Variants in SORCS1 observed in about 807,000 individuals in gnomAD.
The protein encoded by SORCS1 is VPS10 domain-containing receptor SorCS1.
Under a neutral mutation model 146.1 loss-of-function variants are expected in SORCS1, and 60 were observed. The observed-to-expected ratio is 0.41, with a 90% confidence interval of 0.33 to 0.51. The LOEUF is 0.51. Among genes scored for constraint, SORCS1 ranks in the 20% least tolerant of loss-of-function variants. The pLI, the probability that SORCS1 is intolerant of heterozygous loss-of-function variation, is 0.21. For synonymous variants in SORCS1, 637 were observed against 584.0 expected (o/e 1.09, Z -1.31); for missense variants, 1,352 against 1,487.6 (o/e 0.91, Z 1.50).
intron 1 of SORCS1, among the ~76,000 whole-genome samples, chr10:107,003,831 A>G (rs1190109865): frequency 6.6e-6 from 1 of 152,092 alleles, no homozygotes; most frequent in East Asian, 1.9e-4. Context: ...GGGGGCAGGG[A>G]ATAACAGAAA....
intron 3 of SORCS1, among the ~76,000 whole-genome samples, chr10:106,818,778 G>A (rs1203626413): frequency 6.6e-6 from 1 of 152,126 alleles, no homozygotes; most frequent in Non-Finnish European, 1.5e-5. Flanking sequence ...GTGCGCTTGT[G>A]GACACTAGTT....
chr10:106,661,828 T>C (rs1589600632), intron 17 of SORCS1, among the ~76,000 whole-genome samples: 1 of 152,240 alleles, frequency 6.6e-6, no homozygotes, highest in Non-Finnish European at 1.5e-5. Context: ...TATTTCACTC[T>C]CAATCCCTAA....
intron 3 of SORCS1, among the ~76,000 whole-genome samples, chr10:106,787,422 A>T (rs903781527): frequency 6.6e-6 from 1 of 152,216 alleles, no homozygotes; most frequent in African/African-American, 2.4e-5. Context: ...TTCAATTTTT[A>T]TCATGCCCAG....
At chr10:106,832,435 C>T (rs1948591168) in intron 2 of SORCS1, among the ~76,000 whole-genome samples, 1 of 152,012 alleles carries the variant, frequency 6.6e-6, no homozygotes, top group African/African-American at 2.4e-5. Flanking sequence ...GTGATCCACC[C>T]GCCTCAAACT....
intron 1 of SORCS1, among the ~76,000 whole-genome samples, chr10:107,064,250 C>A (rs1398405970): frequency 6.6e-6 from 1 of 152,108 alleles, no homozygotes; most frequent in Non-Finnish European, 1.5e-5. Context: ...TCCTAAACCC[C>A]GATCTGGAAG....
chr10:106,602,841 A>T (rs1846334833), intron 23 of SORCS1, among the ~76,000 whole-genome samples: 6 of 152,208 alleles, frequency 3.9e-5, no homozygotes, highest in Admixed American at 1.3e-4. Context: ...ATGTGTGGAT[A>T]TACAGAAAAT....
At position 106,885,797 on chromosome 10, in the gene SORCS1, T is replaced by C. The variant is rs554198050; in HGVS notation, c.627-56124A>G. On this transcript the variant is annotated intron_variant, in intron 2 of 25. Transcript: ENST00000263054. ...TAAATCACGGGAATGGTTTCCCCCATACTGCTCTCATGGTAGTGAATAAGT... is the reference window on the plus strand; with the variant it reads ...TAAATCACGGGAATGGTTTCCCCCACACTGCTCTCATGGTAGTGAATAAGT... Among the ~76,000 whole-genome samples the C allele has an allele frequency of 2.6e-5, 4 of 152,268 alleles. No individual in the cohort carries two copies. In the East Asian group the frequency reaches 7.7e-4, roughly 29 times the overall value.
At chr10:106,762,327 T>C (rs112429098) in intron 4 of SORCS1, among the ~76,000 whole-genome samples, 69 of 152,172 alleles carry the variant, frequency 4.5e-4, no homozygotes, top group African/African-American at 1.6e-3. Context: ...TTACACATTA[T>C]TCAGGCATCT....
At chr10:106,868,944 C>G (rs571640672) in intron 2 of SORCS1, among the ~76,000 whole-genome samples, 1 of 152,086 alleles carries the variant, frequency 6.6e-6, no homozygotes, top group South Asian at 2.1e-4. Flanking sequence ...ATGCCACTAG[C>G]TCGACTAATA....
chr10:106,947,572 G>A (rs956845375), intron 2 of SORCS1, among the ~76,000 whole-genome samples: 3 of 152,090 alleles, frequency 2.0e-5, no homozygotes, highest in Non-Finnish European at 4.4e-5. Flanking sequence ...GGCTGGGCGC[G>A]GTGGCTCACG....
rs982363528 is a variant in SORCS1 at position 106,677,419 on chromosome 10, C to G, written c.1741-15G>C. 1 of 1,609,738 alleles carries G rather than the reference C, an allele frequency of 6.2e-7. No individual in the cohort carries two copies. Among genetic ancestry groups the G allele is most frequent in the Non-Finnish European group, 8.5e-7 (1 of 1,176,256 alleles). ...TCTTCAAAGATCTGGATGAGGAAAA[C>G]ACATACATGGACACACATCCACATC... is the stretch of plus-strand genomic sequence containing the variant. On this transcript the variant is annotated splice_polypyrimidine_tract_variant and intron_variant, in intron 12 of 25. Transcript: ENST00000263054.
chr10:106,963,264 C>A (rs541924058), intron 1 of SORCS1, among the ~76,000 whole-genome samples: 1 of 151,762 alleles, frequency 6.6e-6, no homozygotes, highest in South Asian at 2.1e-4. Context: ...TACAGGCGCC[C>A]ACCACCACGC....
intron 2 of SORCS1, among the ~76,000 whole-genome samples, chr10:106,830,655 G>A (rs2137018786): frequency 6.6e-6 from 1 of 150,618 alleles, no homozygotes; most frequent in Non-Finnish European, 1.5e-5. Context: ...CAGCACTTTA[G>A]GAAACCAAGA....
rs181228517 is a variant in SORCS1 at position 106,852,493 on chromosome 10, T to G, written c.627-22820A>C. 6.2e-3 allele frequency among the ~76,000 whole-genome samples: 940 copies of G among 151,906 alleles called. 11 individuals carry two copies. The highest frequency in any genetic ancestry group is 0.021 in the African/African-American group (888 of 41,440). The stretch of plus-strand genomic sequence containing the variant: ...AAATACAAAAATTAGCTGGGCATGG[T>G]GTTGCACGCCTGTAGTCCCAGCTAC... On this transcript the variant is annotated intron_variant, in intron 2 of 25. Coordinates refer to ENST00000263054, the MANE Select transcript of SORCS1 (RefSeq NM_052918.5).
In SORCS1 at chr10:106,956,540, C is replaced by T; in HGVS notation, c.599G>A (p.Gly200Glu). 2 of 1,614,118 alleles carry T rather than the reference C, an allele frequency of 1.2e-6. No individual in the cohort carries two copies. Among genetic ancestry groups the T allele is most frequent in the South Asian group, 1.1e-5 (1 of 91,080 alleles). The change falls in exon 2 of 26, where the codon GGG (glycine) becomes GAG (glutamate). Residue 200 changes from glycine to glutamate, a missense_variant. Around this residue, in one of 3 missense-constraint regions of SORCS1, gnomAD observed 490 missense variants for 489.1 expected, o/e 1.00. Coordinates refer to ENST00000263054, the MANE Select transcript of SORCS1 (RefSeq NM_052918.5). ...ILTKLYDYNL[G>E]SITESSLWRS... ...CCAAAGCGAGCTCTCTGTGATGCTC[C>T]CCAGGTTATAGTCATAGAGCTTTGT...
chr10:106,659,037 T>C (rs761117199), intron 17 of SORCS1, among the ~76,000 whole-genome samples: 6 of 152,302 alleles, frequency 3.9e-5, no homozygotes, highest in South Asian at 4.1e-4. Flanking sequence ...TGGGATCCCA[T>C]GTGACAAAGT....
At chr10:106,786,015 T>C (rs1324388823) in intron 3 of SORCS1, among the ~76,000 whole-genome samples, 1 of 152,208 alleles carries the variant, frequency 6.6e-6, no homozygotes, top group Non-Finnish European at 1.5e-5. Flanking sequence ...TTTTTGGATT[T>C]CAGTCACAGC....
chr10:106,637,541 C>T (rs528964210), intron 18 of SORCS1, among the ~76,000 whole-genome samples: 3 of 152,316 alleles, frequency 2.0e-5, no homozygotes, highest in Admixed American at 2.0e-4. Flanking sequence ...GCAAGCAAAA[C>T]CTACAGTGAA....
intron 21 of SORCS1, among the ~76,000 whole-genome samples, chr10:106,612,891 C>T (rs4918239): frequency 0.28 from 41,759 of 151,812 alleles, 6,124 homozygotes; most frequent in South Asian, 0.45. Context: ...TTGCACACAC[C>T]GTTCTTCTGC....
Sources: gnomAD v4.1 joint callset for allele counts (sites outside exome capture counted in the v4.1 genomes callset) on GRCh38, gnomAD v4.1.1 for gene constraint, gnomAD v4.1.1 regional missense constraint, MANE v1.5 for transcripts, NCBI Gene and HGNC (gene_info 2026-07-23, HGNC 2026-07-21) for gene names.